GALNTL6: variants seen among roughly 807,000 people sequenced by gnomAD.
GALNTL6 encodes the protein polypeptide N-acetylgalactosaminyltransferase like 6.
A neutral mutation model predicts 73.7 loss-of-function variants in GALNTL6; 46 were observed. That is an observed-to-expected ratio of 0.62 (90% CI 0.49 to 0.80). GALNTL6 has a LOEUF of 0.80. GALNTL6 is among the 30% of genes least tolerant of loss of function. The pLI is 0.00. For missense variants in GALNTL6, 604 were observed against 755.0 expected (o/e 0.80, Z 2.34); for synonymous variants, 259 against 263.7 (o/e 0.98, Z 0.17).
chr4:172,810,978 A>C (rs191348466), intron 6 of GALNTL6, among the ~76,000 whole-genome samples: 270 of 144,116 alleles, frequency 1.9e-3, no homozygotes, highest in Middle Eastern at 0.01. Flanking sequence ...AAAAAGAAGA[A>C]GATAGAAAAA....
At chr4:172,778,965 AC>A (rs34242310) in intron 5 of GALNTL6, among the ~76,000 whole-genome samples, 1 of 145,894 alleles carries the variant, frequency 6.9e-6, no homozygotes, top group African/African-American at 2.6e-5. Flanking sequence ...TTTTACTACC[AC>A]CCCCCTTCAC....
chr4:172,470,105 T>C (rs1181485680), intron 5 of GALNTL6, among the ~76,000 whole-genome samples: 2 of 152,164 alleles, frequency 1.3e-5, no homozygotes, highest in Non-Finnish European at 2.9e-5. Context: ...AGCACAATGC[T>C]AGGCACAGAA....
intron 5 of GALNTL6, among the ~76,000 whole-genome samples, chr4:172,368,274 G>A (rs1036899946): frequency 3.9e-5 from 6 of 152,118 alleles, no homozygotes; most frequent in Admixed American, 3.3e-4. Flanking sequence ...CCAGCTACTC[G>A]GGAGGCTGAG....
rs1472368495 is a variant in GALNTL6, at chr4:172,809,174, G to A, written c.554-187G>A. Among the ~76,000 whole-genome samples the A allele has an allele frequency of 6.6e-6, 1 of 152,160 alleles. No homozygotes were observed. The highest frequency in any genetic ancestry group is 1.5e-5 in the Non-Finnish European group (1 of 68,028). Reference sequence around the variant, plus strand: ...TGTTCAAAAAAGGGCAATATTTGCAGTTTACAAAGCATTCTGGAAAGTGTA... The same window carrying A: ...TGTTCAAAAAAGGGCAATATTTGCAATTTACAAAGCATTCTGGAAAGTGTA... On this transcript the variant is annotated intron_variant, in intron 5 of 12. Transcript: ENST00000506823. The surrounding 1 kb of genome is among the most constrained non-coding windows in gnomAD (Gnocchi z 4.4).
intron 2 of GALNTL6, among the ~76,000 whole-genome samples, chr4:172,024,491 T>C (rs1316540676): frequency 6.6e-6 from 1 of 151,884 alleles, no homozygotes; most frequent in African/African-American, 2.4e-5. Flanking sequence ...GAAGATCTGA[T>C]ACATTTTGCC....
At chr4:171,871,876 C>G (rs1170270468) in intron 2 of GALNTL6, among the ~76,000 whole-genome samples, 2 of 152,094 alleles carry the variant, frequency 1.3e-5, no homozygotes, top group Non-Finnish European at 2.9e-5. Flanking sequence ...TCTTATTAAG[C>G]TAAAAGAGTA....
chr4:172,590,123 A>G (rs1737576353), intron 5 of GALNTL6, among the ~76,000 whole-genome samples: 1 of 152,180 alleles, frequency 6.6e-6, no homozygotes, highest in Non-Finnish European at 1.5e-5. Context: ...CCTTCACCTC[A>G]AGTCACTCTC....
chr4:172,006,111 G>T (rs141803367), intron 2 of GALNTL6, among the ~76,000 whole-genome samples: 1 of 152,104 alleles, frequency 6.6e-6, no homozygotes, highest in South Asian at 2.1e-4. Context: ...GCATGTCTAC[G>T]AGTCATGCTA....
At chr4:172,353,638 T>G (rs1030755614) in intron 5 of GALNTL6, among the ~76,000 whole-genome samples, 2 of 152,078 alleles carry the variant, frequency 1.3e-5, no homozygotes, top group Admixed American at 1.3e-4. Context: ...ACAAATAATG[T>G]CTTTCAAAAC....
intron 12 of GALNTL6, 122 bp from the exon 13 acceptor site, chr4:173,039,811 T>C: frequency 1.3e-6 from 1 of 752,684 alleles, no homozygotes; most frequent in Non-Finnish European, 2.1e-6. Flanking sequence ...TGGGAGCTGT[T>C]CTATTTACAC....
chr4:171,880,567 T>A (rs1478866823), intron 2 of GALNTL6, among the ~76,000 whole-genome samples: 1 of 152,090 alleles, frequency 6.6e-6, no homozygotes, highest in Non-Finnish European at 1.5e-5. Context: ...TGTGTTCAAA[T>A]CCAGAATTGT....
At chr4:172,219,581 A>G (rs1041508574) in intron 2 of GALNTL6, among the ~76,000 whole-genome samples, 6 of 151,920 alleles carry the variant, frequency 3.9e-5, no homozygotes, top group Non-Finnish European at 7.4e-5. Flanking sequence ...ACAATGATCT[A>G]TTGTCTCTCA....
At chr4:171,926,095 G>C (rs1002479678) in intron 2 of GALNTL6, among the ~76,000 whole-genome samples, 1 of 151,988 alleles carries the variant, frequency 6.6e-6, no homozygotes, top group African/African-American at 2.4e-5. Context: ...TTTATCGAAA[G>C]ACATAAAACA....
chr4:171,856,740 T>A (rs977159464), intron 2 of GALNTL6, among the ~76,000 whole-genome samples: 2 of 152,240 alleles, frequency 1.3e-5, no homozygotes, highest in African/African-American at 4.8e-5. Context: ...CAGTTGGTTA[T>A]ATTTGTGTGG....
intron 5 of GALNTL6, among the ~76,000 whole-genome samples, chr4:172,798,490 C>T (rs1019068800): frequency 1.3e-5 from 2 of 152,192 alleles, no homozygotes; most frequent in African/African-American, 4.8e-5. Flanking sequence ...ACCTGCTTCA[C>T]CTTCTGCTGT....
intron 2 of GALNTL6, among the ~76,000 whole-genome samples, chr4:171,964,730 C>G (rs1168299390): frequency 6.6e-6 from 1 of 152,192 alleles, no homozygotes; most frequent in East Asian, 1.9e-4. Context: ...GCACCTAGAT[C>G]CCCTTTCAGG....
intron 2 of GALNTL6, among the ~76,000 whole-genome samples, chr4:172,092,030 T>C (rs150552649): frequency 6.6e-6 from 1 of 152,306 alleles, no homozygotes; most frequent in East Asian, 1.9e-4. Flanking sequence ...CATAACCTCA[T>C]AATTGTCAAA....
At chr4:172,946,349 C>G (rs191020566) in intron 9 of GALNTL6, among the ~76,000 whole-genome samples, 1 of 152,202 alleles carries the variant, frequency 6.6e-6, no homozygotes, top group East Asian at 1.9e-4. Context: ...CACTGAGAAA[C>G]TGAACAGGGA....
intron 5 of GALNTL6, among the ~76,000 whole-genome samples, chr4:172,526,461 T>C (rs1734956376): frequency 6.6e-6 from 1 of 152,210 alleles, no homozygotes; most frequent in Non-Finnish European, 1.5e-5. Context: ...AGTCAAGCCC[T>C]GGCAGTCAAC....
Sources: allele counts gnomAD v4.1 joint callset (sites outside exome capture counted in the v4.1 genomes callset), GRCh38; gene constraint gnomAD v4.1.1; non-coding constraint Gnocchi (gnomAD v3.1); transcripts MANE v1.5; gene names NCBI Gene and HGNC (gene_info 2026-07-23, HGNC 2026-07-21).